Variants in MCTP1 observed in about 807,000 individuals in gnomAD.
The protein encoded by MCTP1 is multiple C2 and transmembrane domain containing 1.
In MCTP1, 69 loss-of-function variants were observed where a neutral mutation model predicts 120.6. The ratio of observed to expected loss-of-function variants is 0.57; its 90% confidence interval spans 0.47 to 0.70. MCTP1 has a LOEUF of 0.70. Among genes scored for constraint, MCTP1 ranks in the 30% least tolerant of loss-of-function variants. MCTP1 has a pLI of 0.00. For synonymous variants in MCTP1, 529 were observed against 493.1 expected (o/e 1.07, Z -0.96); for missense variants, 1,203 against 1,248.8 (o/e 0.96, Z 0.55).
intron 6 of MCTP1, chr5:94,930,966 T>C (rs949786143): frequency 6.6e-5 from 10 of 152,118 alleles, no homozygotes; most frequent in African/African-American, 2.4e-4. Flanking sequence ...TGATTTTTAA[T>C]GGGAGCCCTG....
chr5:95,135,897 G>T (rs1463309992), intron 1 of MCTP1, among the ~76,000 whole-genome samples: 5 of 152,140 alleles, frequency 3.3e-5, no homozygotes, highest in Non-Finnish European at 7.4e-5. Context: ...CTGGTTTATT[G>T]TTCCAAATCA....
At chr5:95,179,218 C>T (rs1304973907) in intron 1 of MCTP1, among the ~76,000 whole-genome samples, 1 of 152,090 alleles carries the variant, frequency 6.6e-6, no homozygotes, top group Non-Finnish European at 1.5e-5. Context: ...GGTGGTGTTC[C>T]TGAGGAAGAA....
chr5:94,846,722 C>A (rs1450163459), intron 17 of MCTP1, among the ~76,000 whole-genome samples: 2 of 151,860 alleles, frequency 1.3e-5, no homozygotes, highest in Admixed American at 1.3e-4. Context: ...TATCCAAGAC[C>A]AATTAAACCG....
In MCTP1 at chr5:94,917,956, A is replaced by T; in HGVS notation, c.1290T>A (p.Ala430=). 1.2e-6 allele frequency: 2 copies of T among 1,613,902 alleles called. No homozygotes were observed. Among genetic ancestry groups the T allele is most frequent in the Non-Finnish European group, 1.7e-6 (2 of 1,179,796 alleles). ...SLFWRTCGRP[A]LPVLGFCRAE... is the part of the protein sequence containing the mutation. Reference sequence around the variant, plus strand: ...CTCTGCAGAAGCCCAGGACAGGAAGAGCTGGCCTGCCGCACGTCTGGATGG... The same window carrying T: ...CTCTGCAGAAGCCCAGGACAGGAAGTGCTGGCCTGCCGCACGTCTGGATGG... The change falls in exon 8 of 23, where the codon GCT becomes GCA. Residue 430 remains alanine, a synonymous_variant. Coordinates refer to ENST00000515393, the MANE Select transcript of MCTP1 (RefSeq NM_024717.7).
At chr5:94,893,264 G>A (rs190043483) in intron 11 of MCTP1, among the ~76,000 whole-genome samples, 172 of 152,126 alleles carry the variant, frequency 1.1e-3, no homozygotes, top group African/African-American at 4.0e-3. Flanking sequence ...CTTAATATAC[G>A]GGATAATATC....
intron 1 of MCTP1, among the ~76,000 whole-genome samples, chr5:95,274,577 C>T (rs1185629716): frequency 6.6e-6 from 1 of 152,148 alleles, no homozygotes; most frequent in Non-Finnish European, 1.5e-5. Context: ...TTATAAAAAC[C>T]TTCCCATGAA....
At chr5:94,745,429 T>C (rs758331286) in intron 19 of MCTP1, among the ~76,000 whole-genome samples, 2 of 152,212 alleles carry the variant, frequency 1.3e-5, no homozygotes, top group Admixed American at 6.5e-5. Context: ...GTAATACATA[T>C]ATTTGACTTC....
rs185567024 is a variant in MCTP1, at chr5:95,173,008, G to T, written c.720+110848C>A. ...AATTTCAGCCTTTTTTTTAGGAAAA[G>T]AAGTTGTTCTGATGTTTTTTTGTAT... On this transcript the variant is annotated intron_variant, in intron 1 of 22. Transcript: ENST00000515393. Among the ~76,000 whole-genome samples, 16 of 152,152 alleles carry T rather than the reference G, an allele frequency of 1.1e-4. No individual in the cohort carries two copies. In the East Asian group the frequency reaches 2.5e-3, roughly 24 times the overall value.
intron 1 of MCTP1, among the ~76,000 whole-genome samples, chr5:95,103,127 TTATTATTA>T (rs1756858085): frequency 6.6e-6 from 1 of 151,372 alleles, no homozygotes; most frequent in Non-Finnish European, 1.5e-5. Flanking sequence ...TATTTATTAT[TTATTATTA>T]TATTATTATT....
intron 1 of MCTP1, among the ~76,000 whole-genome samples, chr5:95,117,357 C>CA (rs1757896286): frequency 8.1e-6 from 1 of 123,018 alleles, no homozygotes; most frequent in Admixed American, 1.1e-4. Flanking sequence ...CGCCACTGCA[C>CA]TGCAGCCTGG....
At chr5:95,103,644 G>T (rs1394782831) in intron 1 of MCTP1, among the ~76,000 whole-genome samples, 1 of 152,158 alleles carries the variant, frequency 6.6e-6, no homozygotes, top group Non-Finnish European at 1.5e-5. Context: ...GTAGGGGTGA[G>T]ATGACATCAT....
intron 2 of MCTP1, among the ~76,000 whole-genome samples, chr5:94,966,680 A>C (rs1263030469): frequency 6.6e-6 from 1 of 152,124 alleles, no homozygotes; most frequent in East Asian, 1.9e-4. Flanking sequence ...CTGTAGTCCC[A>C]GCTACTCAGG....
chr5:94,771,959 T>C (rs1774181959), intron 19 of MCTP1, among the ~76,000 whole-genome samples: 1 of 152,176 alleles, frequency 6.6e-6, no homozygotes, highest in African/African-American at 2.4e-5. Context: ...TTGCCCTTTC[T>C]AGCTTCTAGA....
At chr5:94,927,490 T>C (rs1813454792) in intron 6 of MCTP1, among the ~76,000 whole-genome samples, 1 of 152,198 alleles carries the variant, frequency 6.6e-6, no homozygotes, top group Non-Finnish European at 1.5e-5. Context: ...ATATGGCACC[T>C]AAGAAAAGCC....
intron 13 of MCTP1, among the ~76,000 whole-genome samples, chr5:94,871,683 T>A (rs988629163): frequency 1.3e-5 from 2 of 152,114 alleles, no homozygotes; most frequent in African/African-American, 2.4e-5. Flanking sequence ...TAATTTCCCA[T>A]CTGAATGGGC....
At chr5:95,269,957 G>A (rs559392587) in intron 1 of MCTP1, among the ~76,000 whole-genome samples, 17 of 152,176 alleles carry the variant, frequency 1.1e-4, no homozygotes, top group South Asian at 2.1e-4. Flanking sequence ...GATATATTTC[G>A]TTTATTTCCC....
intron 1 of MCTP1, among the ~76,000 whole-genome samples, chr5:95,054,943 G>T (rs1746984307): frequency 6.6e-6 from 1 of 152,052 alleles, no homozygotes; most frequent in Non-Finnish European, 1.5e-5. Flanking sequence ...GAGTAGCTGG[G>T]ACCACAGGTA....
intron 1 of MCTP1, among the ~76,000 whole-genome samples, chr5:95,277,627 T>A (rs2152741777): frequency 6.6e-6 from 1 of 152,250 alleles, no homozygotes; most frequent in East Asian, 1.9e-4. Context: ...ATTGCCAAAT[T>A]CCACTCCAGC....
At chr5:95,097,521 G>C (rs1054241671) in intron 1 of MCTP1, among the ~76,000 whole-genome samples, 6 of 152,228 alleles carry the variant, frequency 3.9e-5, no homozygotes, top group Non-Finnish European at 8.8e-5. Context: ...TGGAGAGGTG[G>C]GCAGGAGCTT....
Sources: gnomAD v4.1 joint callset for allele counts (sites outside exome capture counted in the v4.1 genomes callset) on GRCh38, gnomAD v4.1.1 for gene constraint, MANE v1.5 for transcripts, NCBI Gene and HGNC (gene_info 2026-07-23, HGNC 2026-07-21) for gene names.